OR2L13: variants seen among roughly 807,000 people sequenced by gnomAD.
OR2L13 encodes olfactory receptor family 2 subfamily L member 13.
OR2L13 carries 14 observed loss-of-function variants against 15.3 expected under a neutral mutation model. The observed-to-expected ratio is 0.91, with a 90% CI of 0.60 to 1.43. The LOEUF (loss-of-function observed/expected upper bound fraction) is 1.43. OR2L13 is among the 40% of genes most tolerant of loss of function. The pLI, the probability that OR2L13 is intolerant of heterozygous loss-of-function variation, is 0.00. For synonymous variants in OR2L13, 152 were observed against 142.9 expected, an observed-to-expected ratio of 1.06 and a Z score of -0.45; for missense variants, 367 against 387.9, an observed-to-expected ratio of 0.95 and a Z score of 0.45.
the OR2L13 span, among the ~76,000 whole-genome samples, chr1:248,032,361 A>G: frequency 1.3e-5 from 2 of 152,104 alleles, no homozygotes; most frequent in Admixed American, 1.3e-4. Context: ...AATATACATA[A>G]GATAAACTGC....
At chr1:248,046,924 G>A in the OR2L13 span, 1 of 152,146 alleles carries the variant, frequency 6.6e-6, no homozygotes, top group Non-Finnish European at 1.5e-5. Flanking sequence ...TGATTACAGG[G>A]AAGAAGGAAC....
At chr1:247,939,210 A>T in the OR2L13 span, 1 of 152,188 alleles carries the variant, frequency 6.6e-6, no homozygotes, top group Non-Finnish European at 1.5e-5. Flanking sequence ...AAAGAAATAT[A>T]TATTCTTATA....
chr1:248,027,071 C>T, the OR2L13 span, among the ~76,000 whole-genome samples: 141 of 152,208 alleles, frequency 9.3e-4, no homozygotes, highest in Non-Finnish European at 1.2e-3. Flanking sequence ...GGAGAAATAT[C>T]GCTGAATTCT....
the OR2L13 span, among the ~76,000 whole-genome samples, chr1:247,993,789 G>GAAAGAGAA: frequency 7.3e-6 from 1 of 137,802 alleles, no homozygotes; most frequent in African/African-American, 3.4e-5. Flanking sequence ...GAGAGAGAGA[G>GAAAGAGAA]AGAGAGAGAG....
upstream of OR2L13, among the ~76,000 whole-genome samples, chr1:248,096,131 C>A (rs1244518053): frequency 6.6e-6 from 1 of 151,902 alleles, no homozygotes; most frequent in African/African-American, 2.4e-5. Context: ...GTAATCCCAG[C>A]ACTTTGGGAG....
chr1:247,991,116 G>C, the OR2L13 span: 1 of 1,606,178 alleles, frequency 6.2e-7, no homozygotes, highest in Non-Finnish European at 8.5e-7. Flanking sequence ...TCACTCCAAT[G>C]CTCAACCCCA....
At chr1:248,020,778 T>A in the OR2L13 span, among the ~76,000 whole-genome samples, 1 of 151,944 alleles carries the variant, frequency 6.6e-6, no homozygotes, top group African/African-American at 2.4e-5. Flanking sequence ...TATATAACTT[T>A]CATTTATTTC....
At chr1:248,082,851 G>C in the OR2L13 span, among the ~76,000 whole-genome samples, 2 of 152,140 alleles carry the variant, frequency 1.3e-5, no homozygotes, top group African/African-American at 4.8e-5. Context: ...CATTCAGCAT[G>C]ATTATGCAAT....
chr1:248,027,468 C>T, the OR2L13 span, among the ~76,000 whole-genome samples: 1 of 152,160 alleles, frequency 6.6e-6, no homozygotes, highest in Admixed American at 6.5e-5. Flanking sequence ...CACTTCCTCC[C>T]CTTTTGAAAA....
At chr1:247,972,542 A>T in the OR2L13 span, among the ~76,000 whole-genome samples, 1 of 152,196 alleles carries the variant, frequency 6.6e-6, no homozygotes, top group East Asian at 1.9e-4. Flanking sequence ...CTGGACACAT[A>T]CACTCTCTCA....
the OR2L13 span, among the ~76,000 whole-genome samples, chr1:248,016,117 G>A: frequency 2.0e-5 from 3 of 152,150 alleles, no homozygotes; most frequent in Admixed American, 2.0e-4. Flanking sequence ...CTTAAATTAG[G>A]CTATTTTAAT....
At chr1:248,065,370 G>C in the OR2L13 span, among the ~76,000 whole-genome samples, 1 of 152,122 alleles carries the variant, frequency 6.6e-6, no homozygotes, top group Non-Finnish European at 1.5e-5. Context: ...TTTATGGAAA[G>C]GGACATGAGT....
the OR2L13 span, among the ~76,000 whole-genome samples, chr1:247,958,931 A>C: frequency 6.6e-6 from 1 of 152,188 alleles, no homozygotes; most frequent in Non-Finnish European, 1.5e-5. Context: ...TGGAATATTT[A>C]GCCCATTTAC....
the OR2L13 span, among the ~76,000 whole-genome samples, chr1:248,037,426 G>A: frequency 1.3e-5 from 2 of 152,046 alleles, no homozygotes; most frequent in Admixed American, 6.5e-5. Context: ...CTTCCCATGC[G>A]TATGTTTTAA....
the OR2L13 span, among the ~76,000 whole-genome samples, chr1:248,081,139 G>A: frequency 0.012 from 1,769 of 152,184 alleles, 18 homozygotes; most frequent in South Asian, 0.036. Context: ...AGATTTTGAA[G>A]ATTTTGAAGA....
At chr1:248,048,899 C>T in the OR2L13 span, among the ~76,000 whole-genome samples, 2 of 148,794 alleles carry the variant, frequency 1.3e-5, no homozygotes, top group African/African-American at 5.1e-5. Context: ...GCCTCCCCAG[C>T]TTTTTCTTTC....
chr1:248,052,469 C>T, the OR2L13 span, among the ~76,000 whole-genome samples: 5 of 152,044 alleles, frequency 3.3e-5, no homozygotes, highest in Non-Finnish European at 7.4e-5. Context: ...TGGCTCATGC[C>T]GGTAATCCCA....
the OR2L13 span, among the ~76,000 whole-genome samples, chr1:247,960,497 G>A: frequency 4.6e-5 from 7 of 152,306 alleles, no homozygotes; most frequent in African/African-American, 1.7e-4. Context: ...GTCTGCAGAG[G>A]TTTCTGCTGC....
chr1:248,048,930 T>C, the OR2L13 span, among the ~76,000 whole-genome samples: 1 of 151,760 alleles, frequency 6.6e-6, no homozygotes, highest in Non-Finnish European at 1.5e-5. Context: ...TCTCTTTTTT[T>C]TTTTTTTGGT....
Sources: gnomAD v4.1 joint callset for allele counts (sites outside exome capture counted in the v4.1 genomes callset) on GRCh38, gnomAD v4.1.1 for gene constraint, MANE v1.5 for transcripts, NCBI Gene and HGNC (gene_info 2026-07-23, HGNC 2026-07-21) for gene names.